Variants in NHS observed in about 807,000 individuals in gnomAD.
NHS encodes the protein actin remodeling regulator NHS.
A neutral mutation model predicts 72.5 loss-of-function variants in NHS; 5 were observed. That is an observed-to-expected ratio of 0.07 (90% confidence interval 0.04 to 0.14). The LOEUF is 0.14. NHS is among the 10% of genes least tolerant of loss of function. NHS has a pLI of 1.00. For synonymous variants in NHS, 464 were observed against 547.7 expected (o/e 0.85, Z 2.13); for missense variants, 1,072 against 1,355.7 (o/e 0.79, Z 3.29).
rs772858955 is a variant in NHS, at chrX:17,725,378, G to A, written c.1272G>A (p.Arg424=). ...ATGAATCACCAGTGGCCAGGGAAAG[G>A]AATGTGATTGTGCACACAAACCCAG... ...DSDESPVARE[R]NVIVHTNPDP... is the part of the protein sequence containing the mutation. Residue 424 remains arginine (R), a synonymous_variant, in exon 7 of 9, where the codon AGG becomes AGA. Coordinates refer to ENST00000676302, the MANE Select transcript of NHS (RefSeq NM_001291867.2). The A allele has an allele frequency of 5.0e-6, 6 of 1,205,066 alleles. No individual in the cohort carries two copies. The highest frequency in any genetic ancestry group is 5.6e-6 in the Non-Finnish European group (5 of 891,483).
At chrX:17,571,097 T>C (rs935306441) in intron 1 of NHS, among the ~76,000 whole-genome samples, 1 of 112,221 alleles carries the variant, frequency 8.9e-6, no homozygotes, top group Admixed American at 9.4e-5. Flanking sequence ...GATTTTCCCA[T>C]TGATGTTCAT....
At position 17,640,705 on chromosome X, in the gene NHS, A is replaced by G. The variant is rs1273903709; in HGVS notation, c.566-47037A>G. ...TGCTTGCCATGGATGACATTTGGCC[A>G]TTAACAGCTAAGCTCCCTCTTCCAT... On this transcript the variant is annotated intron_variant, in intron 1 of 8. Transcript: ENST00000676302. Among the ~76,000 whole-genome samples the G allele has an allele frequency of 2.7e-5, 3 of 112,562 alleles. No homozygotes were observed. The East Asian group carries it at 8.3e-4, about 31-fold the overall frequency.
chrX:17,725,476 C>T lies in NHS; in HGVS notation c.1370C>T (p.Ala457Val). The T allele has an allele frequency of 8.3e-7, 1 of 1,211,693 alleles. No homozygotes were observed. Among genetic ancestry groups the T allele is most frequent in the Non-Finnish European group, 1.1e-6 (1 of 895,497 alleles). Residue 457 changes from alanine to valine, a missense_variant, in exon 7 of 9, where the codon GCT becomes GTT. Ala to Val is a moderately conservative substitution (Grantham distance 64). Coordinates refer to ENST00000676302, the MANE Select transcript of NHS (RefSeq NM_001291867.2). Reference sequence around the variant, plus strand: ...TGCCAAACCGAGGATATTCTGATTGCTGCCCCATCCAGAAGGAGAATCAGA... The same window carrying T: ...TGCCAAACCGAGGATATTCTGATTGTTGCCCCATCCAGAAGGAGAATCAGA... ...SECQTEDILI[A>V]APSRRRIRAQ...
chrX:17,714,405 T>A (rs940082387), intron 3 of NHS, among the ~76,000 whole-genome samples: 1 of 111,607 alleles, frequency 9.0e-6, no homozygotes, highest in African/African-American at 3.3e-5. Flanking sequence ...ACTGCCACTC[T>A]TGTACTGAGT....
chrX:17,728,461 AACAATTGAG>A (rs757273103), intron 7 of NHS, 133 bp downstream of exon 7: 2 of 861,930 alleles, frequency 2.3e-6, no homozygotes, highest in African/African-American at 4.0e-5. Flanking sequence ...CACTTATTAA[AACAATTGAG>A]ATAAAAGCTT....
At chrX:17,560,347 CCT>C (rs1198901997) in intron 1 of NHS, among the ~76,000 whole-genome samples, 1 of 112,584 alleles carries the variant, frequency 8.9e-6, no homozygotes, top group Non-Finnish European at 1.9e-5. Flanking sequence ...TTCCTGCACT[CCT>C]CTATTTGAAA....
chrX:17,734,828 T>C lies in NHS; in HGVS notation c.*2364T>C, dbSNP rs2066511543. ...ATTTCCAGTCACAGTAGGCGATCTTTCGTAATTTCATAAAAGCAGTTCGTT... is the reference window on the plus strand; with the variant it reads ...ATTTCCAGTCACAGTAGGCGATCTTCCGTAATTTCATAAAAGCAGTTCGTT... On this transcript the variant is annotated 3_prime_UTR_variant, in exon 9 of 9. Transcript: ENST00000676302. 8.9e-6 allele frequency: 1 copy of C among 112,418 alleles called. No individual in the cohort carries two copies. The highest frequency in any genetic ancestry group is 3.7e-4 in the South Asian group (1 of 2,704). The allele number at this position is 112,418 out of a possible 1,213,427, so 9.3% of individuals were successfully genotyped here. A position where few individuals can be genotyped will look rare whatever the true frequency, so the allele number is the denominator to read the frequency against.
chrX:17,375,459 G>A lies in NHS; in HGVS notation c.-299G>A, dbSNP rs1378376073. On this transcript the variant is annotated 5_prime_UTR_variant, in exon 1 of 9. Coordinates refer to ENST00000676302, the MANE Select transcript of NHS (RefSeq NM_001291867.2). ...GCACAGAAACGATGGAGTTGAGCCA[G>A]TCGACCCTGGTTGGAAGCAAGTGAG... 1 of 407,086 alleles carries A rather than the reference G, an allele frequency of 2.5e-6. No homozygotes were observed. The allele number at this position is 407,086 out of a possible 1,213,427, so 33.5% of individuals were successfully genotyped here. A position where few individuals can be genotyped will look rare whatever the true frequency, so the allele number is the denominator to read the frequency against.
intron 1 of NHS, among the ~76,000 whole-genome samples, chrX:17,380,905 G>A (rs190781775): frequency 2.7e-5 from 3 of 111,268 alleles, no homozygotes; most frequent in Non-Finnish European, 5.7e-5. Context: ...TGAAGGATAC[G>A]AGCAGGGAGG....
chrX:17,522,344 A>T (rs1304640689), intron 1 of NHS, among the ~76,000 whole-genome samples: 1 of 112,020 alleles, frequency 8.9e-6, no homozygotes, highest in African/African-American at 3.3e-5. Context: ...GCTGGAGAAT[A>T]TTTCAACCTT....
chrX:17,398,346 TG>T (rs1426052209), intron 1 of NHS, among the ~76,000 whole-genome samples: 1 of 112,229 alleles, frequency 8.9e-6, no homozygotes, highest in African/African-American at 3.2e-5. Context: ...CATCTTTCCT[TG>T]TTTCTCTTGT....
chrX:17,701,749 G>C (rs1355506597), intron 3 of NHS, among the ~76,000 whole-genome samples: 2 of 110,915 alleles, frequency 1.8e-5, no homozygotes, highest in Admixed American at 9.6e-5. Flanking sequence ...TGTGTGTTAT[G>C]TACTCTTATG....
chrX:17,453,796 C>G (rs982474254), intron 1 of NHS, among the ~76,000 whole-genome samples: 1 of 111,995 alleles, frequency 8.9e-6, no homozygotes, highest in Non-Finnish European at 1.9e-5. Context: ...GGTCACTGCT[C>G]ACTCTAGGAG....
chrX:17,483,381 A>G (rs1035015497), intron 1 of NHS, among the ~76,000 whole-genome samples: 1 of 112,435 alleles, frequency 8.9e-6, no homozygotes, highest in African/African-American at 3.2e-5. Context: ...TCAGTACAGC[A>G]ACTTTAATGT....
At chrX:17,425,522 C>A (rs1196281667) in intron 1 of NHS, among the ~76,000 whole-genome samples, 2 of 36,395 alleles carry the variant, frequency 5.5e-5, no homozygotes, top group African/African-American at 2.6e-4. Flanking sequence ...TCTTCTCAGC[C>A]AAAAAAAAAA....
At chrX:17,602,432 G>A (rs2065655143) in intron 1 of NHS, among the ~76,000 whole-genome samples, 1 of 111,693 alleles carries the variant, frequency 9.0e-6, no homozygotes, top group African/African-American at 3.3e-5. Flanking sequence ...CAGAAATTGG[G>A]TGGGGCAGGC....
At chrX:17,513,665 C>T (rs1006475938) in intron 1 of NHS, among the ~76,000 whole-genome samples, 1 of 111,844 alleles carries the variant, frequency 8.9e-6, no homozygotes, top group Non-Finnish European at 1.9e-5. Flanking sequence ...TTGAGACTCA[C>T]TGGTTTCGAC....
At chrX:17,652,950 G>C (rs2065937163) in intron 1 of NHS, among the ~76,000 whole-genome samples, 1 of 111,218 alleles carries the variant, frequency 9.0e-6, no homozygotes, top group East Asian at 2.8e-4. Context: ...TCAGTCCTTA[G>C]AATGTCAGCT....
At chrX:17,536,823 A>C (rs189146051) in intron 1 of NHS, among the ~76,000 whole-genome samples, 57 of 112,400 alleles carry the variant, frequency 5.1e-4, no homozygotes, top group African/African-American at 1.8e-3. Flanking sequence ...TGTTCGTTGC[A>C]TGAAACCTTT....
Sources: allele counts gnomAD v4.1 joint callset (sites outside exome capture counted in the v4.1 genomes callset), GRCh38; gene constraint gnomAD v4.1.1; transcripts MANE v1.5; gene names NCBI Gene and HGNC (gene_info 2026-07-23, HGNC 2026-07-21).